The following TAF4B variants were observed in gnomAD, a reference collection of about 807,000 sequenced individuals.
The protein encoded by TAF4B is transcription initiation factor TFIID subunit 4B.
A neutral mutation model predicts 86.4 loss-of-function variants in TAF4B; 38 were observed. The observed-to-expected ratio is 0.44, with a 90% CI of 0.34 to 0.58. The LOEUF (loss-of-function observed/expected upper bound fraction) is 0.58. Ranked by LOEUF, TAF4B falls within the 20% of genes least tolerant of loss-of-function variation. The pLI is 0.02. For missense variants in TAF4B, 988 were observed against 1,027.6 expected, an observed-to-expected ratio of 0.96 and a Z score of 0.53; for synonymous variants, 388 against 391.2, an observed-to-expected ratio of 0.99 and a Z score of 0.10.
chr18:26,345,801 CAAT>C lies in TAF4B; in HGVS notation c.2316+10574_2316+10576del, dbSNP rs554231556. On this transcript the variant is annotated intron_variant, in intron 13 of 14. Transcript: ENST00000269142. ...AGATAAATACCCATGAAAAGGAACA[CAAT>C]AATTTTCCAATAACAGAGGCTAATC... Among the ~76,000 whole-genome samples, 220 of 152,112 alleles carry C rather than the reference CAAT, an allele frequency of 1.4e-3. 1 individual carries two copies. Among genetic ancestry groups the C allele is most frequent in the African/African-American group, 4.6e-3 (193 of 41,518 alleles).
At chr18:26,367,473 A>G (rs1232790098) in intron 14 of TAF4B, among the ~76,000 whole-genome samples, 1 of 152,136 alleles carries the variant, frequency 6.6e-6, no homozygotes, top group Non-Finnish European at 1.5e-5. Context: ...TAGAAGAGAG[A>G]GTGAGTTTGC....
At chr18:26,327,182 T>C in intron 12 of TAF4B, 42 bp downstream of exon 12, 1 of 1,596,880 alleles carries the variant, frequency 6.3e-7, no homozygotes, top group Non-Finnish European at 8.5e-7. Flanking sequence ...GGCCTGGCAG[T>C]GTGGTCAGAG....
intron 9 of TAF4B, among the ~76,000 whole-genome samples, chr18:26,300,968 T>C (rs962835229): frequency 6.6e-6 from 1 of 152,008 alleles, no homozygotes; most frequent in African/African-American, 2.4e-5. Flanking sequence ...GACTAGGGAG[T>C]GCATAGACTA....
At chr18:26,295,584 C>T (rs1003024063) in intron 9 of TAF4B, among the ~76,000 whole-genome samples, 2 of 152,240 alleles carry the variant, frequency 1.3e-5, no homozygotes, top group African/African-American at 2.4e-5. Flanking sequence ...GCGCACCTCT[C>T]ACCTCTTCCT....
Position 26,304,855 on chromosome 18 carries a change from G to A in TAF4B, c.1833-10374G>A, listed in dbSNP as rs186834675. 12 of 985,338 alleles carry A rather than the reference G, an allele frequency of 1.2e-5. No individual in the cohort carries two copies. In the Admixed American group the frequency reaches 7.4e-4, roughly 61 times the overall value. 61.0% of individuals were successfully genotyped at this position (985,338 alleles called of 1,614,324 possible). A position where few individuals can be genotyped will look rare whatever the true frequency, so the allele number is the denominator to read the frequency against. On this transcript the variant is annotated intron_variant, in intron 9 of 14. Coordinates refer to ENST00000269142, the MANE Select transcript of TAF4B (RefSeq NM_005640.3). ...AATCTAGTCCACTTACTGCCTGAAGGAAAAATGTCACTATAAGTATTTTCT... is the reference window on the plus strand; with the variant it reads ...AATCTAGTCCACTTACTGCCTGAAGAAAAAATGTCACTATAAGTATTTTCT...
At chr18:26,389,808 T>A in intron 14 of TAF4B, 37 bp from the exon 15 acceptor site, 1 of 1,594,302 alleles carries the variant, frequency 6.3e-7, no homozygotes, top group Non-Finnish European at 8.5e-7. Context: ...TATGAAAGAT[T>A]TTTATTTCAA....
chr18:26,278,307 TTA>T (rs954013070), intron 5 of TAF4B, among the ~76,000 whole-genome samples: 6 of 152,132 alleles, frequency 3.9e-5, no homozygotes, highest in African/African-American at 1.4e-4. Context: ...CTATTTTTTT[TTA>T]TTTTTATTTT....
intron 1 of TAF4B, among the ~76,000 whole-genome samples, chr18:26,237,074 CA>C (rs1188404334): frequency 1.3e-5 from 2 of 152,154 alleles, no homozygotes; most frequent in African/African-American, 4.8e-5. Context: ...GAACACAGGT[CA>C]ACAGATGTTT....
intron 7 of TAF4B, among the ~76,000 whole-genome samples, chr18:26,288,064 G>A (rs2056546805): frequency 6.6e-6 from 1 of 152,162 alleles, no homozygotes; most frequent in Non-Finnish European, 1.5e-5. Flanking sequence ...AGCCAGGTTT[G>A]AGAACCACTG....
chr18:26,278,026 T>C (rs1015411410), intron 5 of TAF4B, among the ~76,000 whole-genome samples: 2 of 152,240 alleles, frequency 1.3e-5, no homozygotes, highest in African/African-American at 2.4e-5. Flanking sequence ...TTTAGTTTGT[T>C]GTTGAGAAAA....
rs1297053203 is a variant in TAF4B at position 26,226,810 on chromosome 18, CG to C, written c.-123del. The C allele has an allele frequency of 1.3e-6, 1 of 748,942 alleles. No individual in the cohort carries two copies. The highest frequency in any genetic ancestry group is 1.9e-6 in the Non-Finnish European group (1 of 528,868). The allele number at this position is 748,942 out of a possible 1,614,324, so 46.4% of individuals were successfully genotyped here. ...TCACTGACTTCGCTGCTGCGGCCCCCGCGCCTCTCCCCAGCGATGCTGTGGA... is the reference window on the plus strand; with the variant it reads ...TCACTGACTTCGCTGCTGCGGCCCCCCGCCTCTCCCCAGCGATGCTGTGGA... On this transcript the variant is annotated 5_prime_UTR_variant, in exon 1 of 15. Coordinates refer to ENST00000269142, the MANE Select transcript of TAF4B (RefSeq NM_005640.3).
At chr18:26,229,099 C>T (rs1277278694) in intron 1 of TAF4B, among the ~76,000 whole-genome samples, 1 of 152,052 alleles carries the variant, frequency 6.6e-6, no homozygotes, top group African/African-American at 2.4e-5. Flanking sequence ...AAAGGTGATT[C>T]AGAGAACTTT....
chr18:26,327,281 G>A (rs2057012047), intron 12 of TAF4B, 141 bp downstream of exon 12: 9 of 1,022,270 alleles, frequency 8.8e-6, no homozygotes, highest in African/African-American at 6.4e-5. Context: ...CTAATAGGAT[G>A]TCTCACAGCC....
intron 1 of TAF4B, among the ~76,000 whole-genome samples, chr18:26,246,851 TTTC>T (rs2055933582): frequency 6.8e-6 from 1 of 148,068 alleles, no homozygotes; most frequent in Non-Finnish European, 1.5e-5. Flanking sequence ...TTCTTTTTTT[TTTC>T]TTTTTTGTTT....
intron 12 of TAF4B, among the ~76,000 whole-genome samples, chr18:26,331,394 TTC>T (rs1459084952): frequency 6.6e-6 from 1 of 152,216 alleles, no homozygotes; most frequent in Non-Finnish European, 1.5e-5. Flanking sequence ...CTATGCCACC[TTC>T]TCTGTCTTCA....
intron 1 of TAF4B, among the ~76,000 whole-genome samples, chr18:26,250,840 A>G (rs1407298162): frequency 6.6e-6 from 1 of 152,242 alleles, no homozygotes; most frequent in East Asian, 1.9e-4. Flanking sequence ...GAAATTTAAT[A>G]GAGATAAATA....
intron 13 of TAF4B, among the ~76,000 whole-genome samples, chr18:26,355,749 A>C (rs1729999191): frequency 6.6e-6 from 1 of 152,200 alleles, no homozygotes. Flanking sequence ...AGGACTTTAA[A>C]ATATAGCTTG....
At chr18:26,300,462 G>A (rs112843616) in intron 9 of TAF4B, among the ~76,000 whole-genome samples, 1,185 of 118,238 alleles carry the variant, frequency 0.01, 18 homozygotes, top group African/African-American at 0.03. Context: ...TGATTATAGG[G>A]TGTGTTTTTT....
chr18:26,263,267 G>C (rs541304849), intron 1 of TAF4B, among the ~76,000 whole-genome samples: 2 of 152,188 alleles, frequency 1.3e-5, no homozygotes, highest in Non-Finnish European at 2.9e-5. Context: ...AATTACTTTA[G>C]GTTAGAAATA....
Sources: allele counts gnomAD v4.1 joint callset (sites outside exome capture counted in the v4.1 genomes callset), GRCh38; gene constraint gnomAD v4.1.1; transcripts MANE v1.5; gene names NCBI Gene and HGNC (gene_info 2026-07-23, HGNC 2026-07-21).